Variants in SESTD1 observed in about 807,000 individuals in gnomAD.
SESTD1 encodes the protein SEC14 and spectrin domain containing 1.
SESTD1 carries 43 observed loss-of-function variants against 101.7 expected under a neutral mutation model. The ratio of observed to expected loss-of-function variants is 0.42; its 90% CI spans 0.33 to 0.55. The LOEUF is 0.55. Among genes scored for constraint, SESTD1 ranks in the 20% least tolerant of loss-of-function variants. SESTD1 has a pLI of 0.07. For missense variants in SESTD1, 647 were observed against 815.1 expected (o/e 0.79, Z 2.51); for synonymous variants, 283 against 286.8 (o/e 0.99, Z 0.13).
chr2:179,134,257 G>C (rs1333088633), intron 9 of SESTD1, among the ~76,000 whole-genome samples: 1 of 152,172 alleles, frequency 6.6e-6, no homozygotes, highest in Non-Finnish European at 1.5e-5. Context: ...AATTCTCATA[G>C]ATAACAAGTA....
intron 8 of SESTD1, among the ~76,000 whole-genome samples, 196 bp downstream of exon 8, chr2:179,146,206 A>C (rs1056428875): frequency 9.2e-5 from 14 of 152,170 alleles, no homozygotes; most frequent in African/African-American, 3.4e-4. Flanking sequence ...GAGGTGGAAC[A>C]GTTTTATTCT....
chr2:179,211,706 A>G (rs1319830414), intron 1 of SESTD1, among the ~76,000 whole-genome samples: 1 of 134,734 alleles, frequency 7.4e-6, no homozygotes, highest in Non-Finnish European at 1.6e-5. Context: ...TGGCATTTAC[A>G]GCAACCTGGA....
intron 7 of SESTD1, among the ~76,000 whole-genome samples, chr2:179,146,904 GGTGTGTGT>G (rs71023470): frequency 0.14 from 21,023 of 145,380 alleles, 2,273 homozygotes; most frequent in African/African-American, 0.31. Flanking sequence ...ATATTCCAGG[GGTGTGTGT>G]GTGTGTGTGT....
intron 1 of SESTD1, among the ~76,000 whole-genome samples, chr2:179,201,944 T>C (rs2046523429): frequency 7.9e-6 from 1 of 126,328 alleles, no homozygotes; most frequent in African/African-American, 3.2e-5. Context: ...ATAATAATAA[T>C]AATAATAATA....
intron 13 of SESTD1, among the ~76,000 whole-genome samples, chr2:179,121,370 G>A (rs1255911648): frequency 6.6e-6 from 1 of 152,154 alleles, no homozygotes; most frequent in Non-Finnish European, 1.5e-5. Flanking sequence ...ATGAATGTGT[G>A]ACATTCTGTA....
intron 9 of SESTD1, among the ~76,000 whole-genome samples, chr2:179,135,663 G>T (rs1283589000): frequency 6.6e-6 from 1 of 152,152 alleles, no homozygotes; most frequent in Admixed American, 6.5e-5. Context: ...TGAGATTGGA[G>T]AATCGTTTGA....
In SESTD1 at chr2:179,204,415, A is replaced by T. The variant is rs147622663; in HGVS notation, c.-25-12549T>A. 6.3e-3 allele frequency among the ~76,000 whole-genome samples: 846 copies of T among 134,542 alleles called. 203 individuals carry two copies. The highest frequency in any genetic ancestry group is 0.022 in the African/African-American group (752 of 33,980). The allele number at this position is 134,542 out of a possible 152,430, so 88.3% of individuals were successfully genotyped here. ...TGTGAACCAATGAGAATTTCTGACA[A>T]CTTTTTTGCCATAACCCATACCTTA... On this transcript the variant is annotated intron_variant, in intron 1 of 17. Transcript: ENST00000428443.
At position 179,204,362 on chromosome 2, in the gene SESTD1, T is replaced by C. The variant is rs1401648640; in HGVS notation, c.-25-12496A>G. Among the ~76,000 whole-genome samples, 6 of 134,284 alleles carry C rather than the reference T, an allele frequency of 4.5e-5. 2 individuals carry two copies. Among genetic ancestry groups the C allele is most frequent in the African/African-American group, 1.8e-4 (6 of 33,782 alleles). The allele number at this position is 134,284 out of a possible 152,430, so 88.1% of individuals were successfully genotyped here. ...ACCCACACCCTATAGCTTAACAATG[T>C]AGAGCCAATCACTAACAATGTTATT... On this transcript the variant is annotated intron_variant, in intron 1 of 17. Transcript: ENST00000428443.
intron 6 of SESTD1, among the ~76,000 whole-genome samples, chr2:179,150,693 G>A (rs185981507): frequency 1.4e-4 from 21 of 152,160 alleles, no homozygotes; most frequent in African/African-American, 5.1e-4. Context: ...GGTGGCGCGT[G>A]CCTGTAATCC....
intron 10 of SESTD1, among the ~76,000 whole-genome samples, chr2:179,124,923 C>A (rs149072590): frequency 2.0e-3 from 312 of 152,242 alleles, no homozygotes; most frequent in Admixed American, 3.9e-3. Flanking sequence ...AAAACCGTAT[C>A]CCCTTTGAAG....
intron 1 of SESTD1, among the ~76,000 whole-genome samples, chr2:179,194,808 C>A (rs2046366514): frequency 6.6e-6 from 1 of 152,152 alleles, no homozygotes; most frequent in Non-Finnish European, 1.5e-5. Context: ...ACCAAGCTGG[C>A]TGAGGCTATG....
At chr2:179,238,873 C>T (rs190742511) in intron 1 of SESTD1, among the ~76,000 whole-genome samples, 286 of 152,194 alleles carry the variant, frequency 1.9e-3, no homozygotes, top group South Asian at 2.9e-3. Flanking sequence ...TCTTCCTCTG[C>T]CTTGCCCTCG....
chr2:179,226,097 A>G (rs932319151), intron 1 of SESTD1, among the ~76,000 whole-genome samples: 2 of 152,206 alleles, frequency 1.3e-5, no homozygotes, highest in African/African-American at 2.4e-5. Flanking sequence ...ATCCTTAAAC[A>G]TATCAAAAAT....
chr2:179,134,673 ATCT>A (rs2045098087), intron 9 of SESTD1, among the ~76,000 whole-genome samples: 1 of 151,992 alleles, frequency 6.6e-6, no homozygotes, highest in South Asian at 2.1e-4. Flanking sequence ...TCCAATAGAG[ATCT>A]TCTTGGGTCC....
At chr2:179,150,549 C>A (rs891759789) in intron 6 of SESTD1, among the ~76,000 whole-genome samples, 2 of 151,650 alleles carry the variant, frequency 1.3e-5, no homozygotes, top group African/African-American at 4.8e-5. Context: ...TGGCTGGGAG[C>A]AGTGGCTCAC....
Position 179,123,771 on chromosome 2 carries a change from T to C in SESTD1, c.1226A>G (p.Asp409Gly), listed in dbSNP as rs766019425. The C allele has an allele frequency of 1.2e-6, 2 of 1,613,984 alleles. No individual in the cohort carries two copies. Among genetic ancestry groups the C allele is most frequent in the Non-Finnish European group, 1.7e-6 (2 of 1,179,948 alleles). ...GMLCVDVAPA[D>G]GASIQQTLKL... ...TAAAGTTTGCTGAATCGATGCTCCA[T>C]CAGCTGGTGCTACATCTACGCACAA... Residue 409 changes from aspartate (D) to glycine (G), a missense_variant, in exon 12 of 18, where the codon GAT (aspartate) becomes GGT (glycine). Physicochemically the swap from Asp to Gly is moderately conservative, Grantham distance 94. Transcript: ENST00000428443.
At chr2:179,174,974 A>G (rs2045986932) in intron 4 of SESTD1, among the ~76,000 whole-genome samples, 1 of 149,940 alleles carries the variant, frequency 6.7e-6, no homozygotes, top group African/African-American at 2.4e-5. Flanking sequence ...GGATGGGGGG[A>G]TTCTCATGAT....
chr2:179,245,440 C>T (rs142388757), intron 1 of SESTD1, among the ~76,000 whole-genome samples: 200 of 143,682 alleles, frequency 1.4e-3, no homozygotes, highest in African/African-American at 5.0e-3. Context: ...CACTTGAACC[C>T]GGGAGAGGGA....
At chr2:179,214,695 GCAC>G (rs1559146666) in intron 1 of SESTD1, among the ~76,000 whole-genome samples, 1 of 135,168 alleles carries the variant, frequency 7.4e-6, no homozygotes, top group Non-Finnish European at 1.6e-5. Flanking sequence ...ATTCTTCTCA[GCAC>G]CACATCACAC....
Sources: gnomAD v4.1 joint callset for allele counts (sites outside exome capture counted in the v4.1 genomes callset) on GRCh38, gnomAD v4.1.1 for gene constraint, MANE v1.5 for transcripts, NCBI Gene and HGNC (gene_info 2026-07-23, HGNC 2026-07-21) for gene names.